The following EXOC4 variants were observed in gnomAD, a reference collection of about 807,000 sequenced individuals.
The protein encoded by EXOC4 is exocyst complex component 4.
EXOC4 carries 71 observed loss-of-function variants against 107.2 expected under a neutral mutation model. The ratio of observed to expected loss-of-function variants is 0.66; its 90% CI spans 0.55 to 0.81. The LOEUF (loss-of-function observed/expected upper bound fraction) is 0.81, where lower values mean the gene tolerates loss of function less well. EXOC4 is among the 30% of genes least tolerant of loss of function. The pLI is 0.00. For synonymous variants in EXOC4, 456 were observed against 441.2 expected (o/e 1.03, Z -0.42); for missense variants, 1,108 against 1,189.6 (o/e 0.93, Z 1.01).
At chr7:133,808,666 A>G (rs1797140159) in intron 10 of EXOC4, among the ~76,000 whole-genome samples, 1 of 152,166 alleles carries the variant, frequency 6.6e-6, no homozygotes, top group African/African-American at 2.4e-5. Context: ...TTGATTCCCA[A>G]AGCCCAATTG....
At chr7:133,379,811 G>A (rs117949959) in intron 7 of EXOC4, among the ~76,000 whole-genome samples, 115 of 152,196 alleles carry the variant, frequency 7.6e-4, no homozygotes, top group Non-Finnish European at 1.2e-3. Context: ...CTTTGTAATT[G>A]TCAGATGTAT....
chr7:133,881,438 A>G (rs1798965343), intron 11 of EXOC4, among the ~76,000 whole-genome samples: 1 of 152,106 alleles, frequency 6.6e-6, no homozygotes, highest in African/African-American at 2.4e-5. Context: ...GACTCAATTC[A>G]GTTATACATT....
intron 13 of EXOC4, among the ~76,000 whole-genome samples, chr7:133,920,396 C>A (rs1799912023): frequency 6.6e-6 from 1 of 152,134 alleles, no homozygotes; most frequent in African/African-American, 2.4e-5. Flanking sequence ...TATTTTTGTG[C>A]TTTTCTGTCT....
At chr7:133,253,490 A>G (rs1794941605) in intron 1 of EXOC4, 1 of 1,121,322 alleles carries the variant, frequency 8.9e-7, no homozygotes, top group Non-Finnish European at 1.1e-6. Context: ...AACCAGGTGT[A>G]AAGGTGTGTT....
At chr7:133,271,379 C>T (rs1793867304) in intron 1 of EXOC4, among the ~76,000 whole-genome samples, 1 of 152,200 alleles carries the variant, frequency 6.6e-6, no homozygotes, top group Non-Finnish European at 1.5e-5. Flanking sequence ...TGGCATCATG[C>T]ATTCAATCCT....
intron 10 of EXOC4, among the ~76,000 whole-genome samples, chr7:133,764,705 A>G (rs1166138259): frequency 1.3e-5 from 2 of 152,102 alleles, no homozygotes; most frequent in Non-Finnish European, 2.9e-5. Flanking sequence ...AGTTTTAAGT[A>G]TATTGGGTAA....
chr7:133,336,269 G>T (rs1269105590), intron 5 of EXOC4, among the ~76,000 whole-genome samples: 56 of 152,116 alleles, frequency 3.7e-4, no homozygotes, highest in Non-Finnish European at 1.9e-4. Context: ...ATCCAATGTT[G>T]TGAGGCCTAC....
intron 11 of EXOC4, among the ~76,000 whole-genome samples, chr7:133,854,538 G>C (rs1010795239): frequency 6.6e-6 from 1 of 151,998 alleles, no homozygotes; most frequent in African/African-American, 2.4e-5. Context: ...CAGTCTTACT[G>C]ATCGTTGCTG....
At chr7:133,548,324 C>T (rs931268500) in intron 9 of EXOC4, among the ~76,000 whole-genome samples, 1 of 152,200 alleles carries the variant, frequency 6.6e-6, no homozygotes, top group East Asian at 1.9e-4. Context: ...TAGCATAATT[C>T]TTGGGGGCCC....
At chr7:133,340,870 T>G (rs7788981) in intron 5 of EXOC4, among the ~76,000 whole-genome samples, 44,948 of 151,994 alleles carry the variant, frequency 0.3, 7,513 homozygotes, top group African/African-American at 0.46. Flanking sequence ...GGTTGTAATA[T>G]CTCCCATTTC....
At chr7:133,404,068 C>G (rs1251706750) in intron 7 of EXOC4, among the ~76,000 whole-genome samples, 1 of 152,078 alleles carries the variant, frequency 6.6e-6, no homozygotes, top group Non-Finnish European at 1.5e-5. Context: ...CAGCTGGGAT[C>G]AGCTTTCTAA....
At chr7:133,619,849 C>G (rs1373270580) in intron 9 of EXOC4, among the ~76,000 whole-genome samples, 2 of 152,166 alleles carry the variant, frequency 1.3e-5, no homozygotes, top group Non-Finnish European at 2.9e-5. Flanking sequence ...TCTGTTATGT[C>G]TGGTAATGCC....
At chr7:134,082,497 G>C in the EXOC4 span, among the ~76,000 whole-genome samples, 2 of 152,182 alleles carry the variant, frequency 1.3e-5, no homozygotes, top group Admixed American at 6.5e-5. Flanking sequence ...CTGGAGTGCA[G>C]TGGCATGATC....
At chr7:133,504,201 A>G (rs1799627023) in intron 9 of EXOC4, among the ~76,000 whole-genome samples, 1 of 152,160 alleles carries the variant, frequency 6.6e-6, no homozygotes, top group Non-Finnish European at 1.5e-5. Flanking sequence ...GTAACATTTA[A>G]TATTAATTAT....
intron 5 of EXOC4, among the ~76,000 whole-genome samples, chr7:133,346,145 A>G (rs1031369650): frequency 6.6e-6 from 1 of 152,216 alleles, no homozygotes; most frequent in African/African-American, 2.4e-5. Context: ...CACAGAGATA[A>G]GACATGAGTG....
the EXOC4 span, among the ~76,000 whole-genome samples, chr7:134,095,937 C>T: frequency 5.3e-5 from 8 of 152,074 alleles, no homozygotes; most frequent in Non-Finnish European, 1.0e-4. Context: ...TCTTCAAAAG[C>T]AATTCCAATA....
chr7:133,512,381 A>T (rs1191239155), intron 9 of EXOC4, among the ~76,000 whole-genome samples: 1 of 152,058 alleles, frequency 6.6e-6, no homozygotes, highest in Non-Finnish European at 1.5e-5. Flanking sequence ...GTGAGCCGAG[A>T]TTGCGCCACT....
intron 9 of EXOC4, among the ~76,000 whole-genome samples, chr7:133,501,147 ATATATC>A (rs1288976749): frequency 6.6e-5 from 10 of 152,206 alleles, no homozygotes; most frequent in African/African-American, 2.2e-4. Flanking sequence ...TCATTATTGT[ATATATC>A]TATATTTCCA....
At chr7:133,889,635 A>G (rs1391568180) in intron 11 of EXOC4, among the ~76,000 whole-genome samples, 1 of 114,836 alleles carries the variant, frequency 8.7e-6, no homozygotes, top group African/African-American at 3.4e-5. Context: ...ATGTGATCTC[A>G]TTGTTCAGTT....
Sources: allele counts gnomAD v4.1 joint callset (sites outside exome capture counted in the v4.1 genomes callset), GRCh38; gene constraint gnomAD v4.1.1; transcripts MANE v1.5; gene names NCBI Gene and HGNC (gene_info 2026-07-23, HGNC 2026-07-21).